Variants in CELF2 observed in about 807,000 individuals in gnomAD.
CELF2 encodes the protein CUGBP Elav-like family member 2, also known as CUG triplet repeat RNA-binding protein 2.
Under a neutral mutation model 62.6 loss-of-function variants are expected in CELF2, and 8 were observed. The ratio of observed to expected loss-of-function variants is 0.13; its 90% confidence interval spans 0.07 to 0.23. The LOEUF is 0.23. Among genes scored for constraint, CELF2 ranks in the 10% least tolerant of loss-of-function variants. CELF2 has a pLI of 1.00. For synonymous variants in CELF2, 258 were observed against 250.0 expected, an observed-to-expected ratio of 1.03 and a Z score of -0.30; for missense variants, 333 against 671.0, an observed-to-expected ratio of 0.50 and a Z score of 5.56.
At chr10:11,257,664 T>C (rs1457925141) in intron 4 of CELF2, 74 bp from the exon 5 acceptor site, 1 of 1,541,008 alleles carries the variant, frequency 6.5e-7, no homozygotes, top group African/African-American at 1.4e-5. Context: ...CCTGGTTTGA[T>C]GGGGTAATGA....
In CELF2 at chr10:11,227,675, A is replaced by G. The variant is rs995637089; in HGVS notation, c.354+10168A>G. Among the ~76,000 whole-genome samples the G allele has an allele frequency of 1.2e-4, 19 of 152,156 alleles. No homozygotes were observed. Among genetic ancestry groups the G allele is most frequent in the African/African-American group, 4.1e-4 (17 of 41,432 alleles). On this transcript the variant is annotated intron_variant, in intron 3 of 12. Transcript: ENST00000633077. The surrounding 1 kb of genome is among the most constrained non-coding windows in gnomAD (Gnocchi z 4.8). The stretch of plus-strand genomic sequence containing the variant: ...TGAGGTGGAAGCTCAGGCTACCTCT[A>G]TCTTAGTTACAACAGTCAGAGCTCA...
In CELF2 at chr10:11,225,616, A is replaced by G. The variant is rs73579341; in HGVS notation, c.354+8109A>G. Among the ~76,000 whole-genome samples the G allele has an allele frequency of 6.2e-3, 939 of 152,286 alleles. 13 individuals carry two copies. Among genetic ancestry groups the G allele is most frequent in the African/African-American group, 0.021 (877 of 41,554 alleles). On this transcript the variant is annotated intron_variant, in intron 3 of 12. Coordinates refer to ENST00000633077, the MANE Select transcript of CELF2 (RefSeq NM_001326342.2). The stretch of plus-strand genomic sequence containing the variant: ...CCTCTCTGGTTGAGAACCAACAGGG[A>G]GCTTAGTACTCATAATTTTTCCACC...
chr10:10,941,810 A>G (rs1165973002), intron 2 of CELF2, among the ~76,000 whole-genome samples: 3 of 152,158 alleles, frequency 2.0e-5, no homozygotes, highest in East Asian at 1.9e-4. Flanking sequence ...CCTGGCCAAC[A>G]TAGTGAAATT....
At chr10:10,821,546 C>G (rs1226478065) in intron 1 of CELF2, among the ~76,000 whole-genome samples, 2 of 152,214 alleles carry the variant, frequency 1.3e-5, no homozygotes, top group African/African-American at 4.8e-5. Context: ...TGACTTGAGG[C>G]CTCCATCATT....
chr10:10,733,513 C>T, the CELF2 span, among the ~76,000 whole-genome samples: 5 of 151,872 alleles, frequency 3.3e-5, no homozygotes, highest in African/African-American at 1.2e-4. Context: ...TTTCATGGGG[C>T]CTGTATTAGT....
chr10:10,612,781 C>T, the CELF2 span, among the ~76,000 whole-genome samples: 1 of 152,156 alleles, frequency 6.6e-6, no homozygotes, highest in Non-Finnish European at 1.5e-5. Flanking sequence ...CCCTTCAGAG[C>T]CAGATTCTTG....
chr10:10,663,909 A>G, the CELF2 span, among the ~76,000 whole-genome samples: 217 of 152,348 alleles, frequency 1.4e-3, 1 homozygote, highest in African/African-American at 4.9e-3. Flanking sequence ...AAAGAAATCC[A>G]TTTTGTTGTA....
chr10:11,020,130 G>C (rs1275484301), intron 1 of CELF2, among the ~76,000 whole-genome samples: 1 of 152,194 alleles, frequency 6.6e-6, no homozygotes, highest in Non-Finnish European at 1.5e-5. Context: ...CTGAGCCCTT[G>C]TGCCTTAGCC....
chr10:10,871,493 T>C lies in CELF2; in HGVS notation c.54-48471T>C, dbSNP rs537002888. Among the ~76,000 whole-genome samples, 4 of 152,262 alleles carry C rather than the reference T, an allele frequency of 2.6e-5. No homozygotes were observed. The East Asian group carries it at 7.7e-4, about 29-fold the overall frequency. On this transcript the variant is annotated intron_variant, in intron 1 of 13. Transcript: ENST00000636488. ...CTCGTGGAAGCTACAACTTCTTTGC[T>C]TGTGTTAGAAACCTAGCGGGAATGG...
At chr10:10,867,770 C>G (rs2060478737) in intron 1 of CELF2, among the ~76,000 whole-genome samples, 1 of 152,222 alleles carries the variant, frequency 6.6e-6, no homozygotes, top group Non-Finnish European at 1.5e-5. Flanking sequence ...GATAGCCGAG[C>G]ACAGATGGAA....
intron 3 of CELF2, among the ~76,000 whole-genome samples, chr10:11,222,782 T>G (rs2065260188): frequency 6.6e-6 from 1 of 152,198 alleles, no homozygotes; most frequent in Non-Finnish European, 1.5e-5. Flanking sequence ...CAGTTTTATT[T>G]TCTAAAAAAA....
At chr10:11,068,901 T>G (rs1375626707) in intron 1 of CELF2, among the ~76,000 whole-genome samples, 1 of 152,240 alleles carries the variant, frequency 6.6e-6, no homozygotes, top group Non-Finnish European at 1.5e-5. Flanking sequence ...CATTCTGTCT[T>G]AGCATTACCA....
the CELF2 span, among the ~76,000 whole-genome samples, chr10:10,585,428 A>T: frequency 0.32 from 47,960 of 152,076 alleles, 7,963 homozygotes; most frequent in East Asian, 0.6. Context: ...AAAGGAAACT[A>T]CATGATGTAT....
chr10:10,479,895 T>G, the CELF2 span, among the ~76,000 whole-genome samples: 3 of 152,216 alleles, frequency 2.0e-5, no homozygotes, highest in Non-Finnish European at 4.4e-5. Context: ...CCTTTTTCTG[T>G]GCAAAGAAAA....
At chr10:10,639,907 A>T in the CELF2 span, among the ~76,000 whole-genome samples, 299 of 152,286 alleles carry the variant, frequency 2.0e-3, no homozygotes, top group African/African-American at 6.5e-3. Context: ...TTCTTTCTCT[A>T]CATGAAACAG....
intron 1 of CELF2, among the ~76,000 whole-genome samples, chr10:11,151,938 G>T (rs1287898841): frequency 6.6e-6 from 1 of 152,208 alleles, no homozygotes; most frequent in East Asian, 1.9e-4. Context: ...CAGGCGTGGG[G>T]CAGTCTACAC....
At chr10:10,567,349 A>G in the CELF2 span, among the ~76,000 whole-genome samples, 1 of 152,230 alleles carries the variant, frequency 6.6e-6, no homozygotes, top group Non-Finnish European at 1.5e-5. Context: ...TTATAGATCA[A>G]TTAAACTTCA....
the CELF2 span, among the ~76,000 whole-genome samples, chr10:10,605,405 C>G: frequency 6.6e-6 from 1 of 152,214 alleles, no homozygotes; most frequent in African/African-American, 2.4e-5. Context: ...CCTGTACATC[C>G]TGCACGAGTA....
the CELF2 span, among the ~76,000 whole-genome samples, chr10:10,539,659 G>A: frequency 2.0e-5 from 3 of 152,136 alleles, no homozygotes; most frequent in Non-Finnish European, 4.4e-5. Context: ...ATTCCTAAAC[G>A]ATATTGCCAC....
Sources: allele counts gnomAD v4.1 joint callset (sites outside exome capture counted in the v4.1 genomes callset), GRCh38; gene constraint gnomAD v4.1.1; non-coding constraint Gnocchi (gnomAD v3.1); transcripts MANE v1.5; gene names NCBI Gene and HGNC (gene_info 2026-07-23, HGNC 2026-07-21).